ASAP2: variants seen among roughly 807,000 people sequenced by gnomAD.
ASAP2 encodes ArfGAP with SH3 domain, ankyrin repeat and PH domain 2, also known as arf-GAP with SH3 domain, ANK repeat and PH domain-containing protein 2.
A neutral mutation model predicts 131.4 loss-of-function variants in ASAP2; 45 were observed. The observed-to-expected ratio is 0.34, with a 90% confidence interval of 0.27 to 0.44. ASAP2 has a LOEUF of 0.44. Ranked by LOEUF, ASAP2 falls within the 20% of genes least tolerant of loss-of-function variation. ASAP2 has a pLI of 1.00. For missense variants in ASAP2, 1,011 were observed against 1,297.0 expected, an observed-to-expected ratio of 0.78 and a Z score of 3.39; for synonymous variants, 510 against 503.0, an observed-to-expected ratio of 1.01 and a Z score of -0.19.
intron 2 of ASAP2, among the ~76,000 whole-genome samples, chr2:9,282,158 G>C (rs547856015): frequency 1.3e-5 from 2 of 152,242 alleles, no homozygotes; most frequent in South Asian, 2.1e-4. Flanking sequence ...TGTCCTTTTT[G>C]AGGCCCCGCA....
rs1310096917 is a variant in ASAP2, at chr2:9,400,763, C to G, written c.2756C>G (p.Ala919Gly). The G allele has an allele frequency of 1.2e-6, 2 of 1,613,674 alleles. No individual in the cohort carries two copies. Among genetic ancestry groups the G allele is most frequent in the Admixed American group, 3.3e-5 (2 of 60,006 alleles). Reference sequence around the variant, plus strand: ...ACAGTGGATCTCTCTGCAACGGAAGCTCTGGGTCCTCTGTCCAATGCTATG... The same window carrying G: ...ACAGTGGATCTCTCTGCAACGGAAGGTCTGGGTCCTCTGTCCAATGCTATG... ...RGPVDLSATE[A>G]LGPLSNAMVL... Residue 919 changes from alanine (A) to glycine (G), a missense_variant, in exon 26 of 28, where the codon GCT (alanine) becomes GGT (glycine). This residue lies in a region of ASAP2 where 652 missense variants were observed against 698.9 expected (regional missense o/e 0.93). Transcript: ENST00000281419.
chr2:9,299,350 A>G (rs939877968), intron 3 of ASAP2, among the ~76,000 whole-genome samples: 6 of 152,206 alleles, frequency 3.9e-5, no homozygotes, highest in African/African-American at 1.2e-4. Flanking sequence ...GCATGGAGCA[A>G]TGCCATTAAA....
chr2:9,234,671 C>G (rs1205276442), intron 1 of ASAP2, among the ~76,000 whole-genome samples: 1 of 152,008 alleles, frequency 6.6e-6, no homozygotes, highest in Non-Finnish European at 1.5e-5. Flanking sequence ...TAGGTAGAGC[C>G]AAGGTGAAGG....
intron 3 of ASAP2, among the ~76,000 whole-genome samples, chr2:9,306,107 G>C (rs1668917218): frequency 6.8e-6 from 1 of 147,122 alleles, no homozygotes; most frequent in South Asian, 2.2e-4. Flanking sequence ...GGGCTGTGAG[G>C]GGTGTATATA....
rs1413491590 is a variant in ASAP2, at chr2:9,317,740, CCA to C, written c.346-780_346-779del. 3.3e-5 allele frequency among the ~76,000 whole-genome samples: 5 copies of C among 151,014 alleles called. No individual in the cohort carries two copies. In the South Asian group the frequency reaches 8.4e-4, roughly 26 times the overall value. ...TACACAATCACATTCACACTCACAT[CCA>C]CACTCACACTCACATCCGTACACAA... is the stretch of plus-strand genomic sequence containing the variant. On this transcript the variant is annotated intron_variant, in intron 3 of 27. Coordinates refer to ENST00000281419, the MANE Select transcript of ASAP2 (RefSeq NM_003887.3).
At chr2:9,294,180 G>A (rs1215734342) in intron 2 of ASAP2, among the ~76,000 whole-genome samples, 1 of 151,934 alleles carries the variant, frequency 6.6e-6, no homozygotes, top group African/African-American at 2.4e-5. Context: ...TGTATTTTTA[G>A]TAGAGACAGC....
Position 9,268,244 on chromosome 2 carries a change from C to T in ASAP2, c.127-11073C>T, listed in dbSNP as rs958211589. 2.6e-5 allele frequency among the ~76,000 whole-genome samples: 4 copies of T among 152,310 alleles called. No homozygotes were observed. Among genetic ancestry groups the T allele is most frequent in the African/African-American group, 9.6e-5 (4 of 41,552 alleles). ...ATCAGTTTATTCATTTTACCATCGA[C>T]ATTTCGGTTTATCCAGTTGGGGGCT... On this transcript the variant is annotated intron_variant, in intron 1 of 27. Coordinates refer to ENST00000281419, the MANE Select transcript of ASAP2 (RefSeq NM_003887.3). The surrounding 1 kb of genome is among the most constrained non-coding windows in gnomAD (Gnocchi z 4.1).
chr2:9,397,242 T>C, intron 24 of ASAP2, among the ~76,000 whole-genome samples: 1 of 152,158 alleles, frequency 6.6e-6, no homozygotes, highest in East Asian at 1.9e-4. Context: ...AAGTCCTGGC[T>C]AAGGAGCCGT....
rs577456546 is a variant in ASAP2 at position 9,368,515 on chromosome 2, G to T, written c.1552G>T (p.Asp518Tyr). The T allele has an allele frequency of 6.2e-7, 1 of 1,613,618 alleles. No homozygotes were observed. The highest frequency in any genetic ancestry group is 1.1e-5 in the South Asian group (1 of 91,070). ...CTCAGTCAAACCCAACCCAGGCAGC[G>T]ACATGTAAGTATGGGACTGGCTATT... Reference protein sequence around the residue: ...EDSVKPNPGSDMNARKDYITA... With the variant: ...EDSVKPNPGSYMNARKDYITA... The change falls in exon 16 of 28, where the codon GAC (aspartate) becomes TAC (tyrosine). Residue 518 changes from aspartate (D) to tyrosine (Y), a missense_variant. Asp to Tyr is a radical substitution (Grantham distance 160). Around this residue, in one of 2 missense-constraint regions of ASAP2, gnomAD observed 652 missense variants for 698.9 expected, o/e 0.93. Coordinates refer to ENST00000281419, the MANE Select transcript of ASAP2 (RefSeq NM_003887.3).
At chr2:9,275,997 G>A (rs1666738173) in intron 1 of ASAP2, among the ~76,000 whole-genome samples, 1 of 152,210 alleles carries the variant, frequency 6.6e-6, no homozygotes, top group Non-Finnish European at 1.5e-5. Flanking sequence ...GGCAGAGCTG[G>A]ACAAGTTAAA....
chr2:9,366,316 T>A (rs1260127818), intron 15 of ASAP2, among the ~76,000 whole-genome samples: 2 of 152,000 alleles, frequency 1.3e-5, no homozygotes, highest in Admixed American at 1.3e-4. Flanking sequence ...ATTCTCCTCC[T>A]CCCATCTCCC....
intron 2 of ASAP2, among the ~76,000 whole-genome samples, chr2:9,293,725 G>A (rs1260871562): frequency 6.6e-6 from 1 of 152,120 alleles, no homozygotes; most frequent in African/African-American, 2.4e-5. Flanking sequence ...AGGAAGACAC[G>A]GGGCTTATGG....
chr2:9,391,183 C>A lies in ASAP2; in HGVS notation c.2505C>A (p.Arg835=). Residue 835 remains arginine, a synonymous_variant, in exon 23 of 28, where the codon CGC becomes CGA. Coordinates refer to ENST00000281419, the MANE Select transcript of ASAP2 (RefSeq NM_003887.3). ...TCCATCCACCGCTGCCCCCTCTTCG[C>A]GTGACATCTACCAGTACGTTTTTTT... The part of the protein sequence containing the change: ...PAVHPPLPPL[R]VTSTNPLTPT... The A allele has an allele frequency of 6.2e-7, 1 of 1,613,830 alleles. No homozygotes were observed.
At chr2:9,256,693 A>G (rs1665189105) in intron 1 of ASAP2, among the ~76,000 whole-genome samples, 1 of 152,254 alleles carries the variant, frequency 6.6e-6, no homozygotes, top group South Asian at 2.1e-4. Context: ...CCAACTGCCA[A>G]TTTCAAATGA....
At chr2:9,326,677 G>C (rs979947257) in intron 6 of ASAP2, among the ~76,000 whole-genome samples, 1 of 152,132 alleles carries the variant, frequency 6.6e-6, no homozygotes, top group African/African-American at 2.4e-5. Flanking sequence ...ATCTTTCGCT[G>C]CTGATGCTTT....
Position 9,348,927 on chromosome 2 carries a change from G to A in ASAP2, c.1024-1881G>A, listed in dbSNP as rs1418099675. ...CCATGGATACCCACGTCGAGGACAG[G>A]GAGGGTGGCAGTTGAGCCCCGAGCC... On this transcript the variant is annotated intron_variant, in intron 11 of 27. Coordinates refer to ENST00000281419, the MANE Select transcript of ASAP2 (RefSeq NM_003887.3). Among the ~76,000 whole-genome samples, 18 of 152,146 alleles carry A rather than the reference G, an allele frequency of 1.2e-4. No individual in the cohort carries two copies. In the East Asian group the frequency reaches 3.5e-3, roughly 29 times the overall value.
chr2:9,306,643 G>A (rs1193517672), intron 3 of ASAP2, among the ~76,000 whole-genome samples: 4 of 152,046 alleles, frequency 2.6e-5, no homozygotes, highest in East Asian at 1.9e-4. Flanking sequence ...CTTTGTCCTC[G>A]GGTTGATGAG....
At position 9,274,600 on chromosome 2, in the gene ASAP2, G is replaced by A. The variant is rs183179172; in HGVS notation, c.127-4717G>A. ...GGCCTCCCAAAGTGCTGGGATTACA[G>A]GCATGAGCCACCGCGTCCAGCCTAA... On this transcript the variant is annotated intron_variant, in intron 1 of 27. Transcript: ENST00000281419. Among the ~76,000 whole-genome samples, 9 of 152,216 alleles carry A rather than the reference G, an allele frequency of 5.9e-5. No individual in the cohort carries two copies. In the East Asian group the frequency reaches 1.7e-3, roughly 29 times the overall value.
chr2:9,305,797 G>A (rs1324390692), intron 3 of ASAP2, among the ~76,000 whole-genome samples: 3 of 106,482 alleles, frequency 2.8e-5, no homozygotes, highest in Non-Finnish European at 6.0e-5. Context: ...TATTGGAGGG[G>A]CTGGAGTAGT....
Sources: allele counts gnomAD v4.1 joint callset (sites outside exome capture counted in the v4.1 genomes callset), GRCh38; gene constraint gnomAD v4.1.1; regional missense constraint gnomAD v4.1.1; non-coding constraint Gnocchi (gnomAD v3.1); transcripts MANE v1.5; gene names NCBI Gene and HGNC (gene_info 2026-07-23, HGNC 2026-07-21).